EPHA10: variants seen among roughly 807,000 people sequenced by gnomAD.
The protein encoded by EPHA10 is EPH receptor A10.
EPHA10 carries 120 observed loss-of-function variants against 109.7 expected under a neutral mutation model. The ratio of observed to expected loss-of-function variants is 1.09; its 90% CI spans 0.94 to 1.27. The LOEUF (loss-of-function observed/expected upper bound fraction) is 1.27. EPHA10 is among the 50% of genes most tolerant of loss of function. EPHA10 has a pLI of 0.00. For missense variants in EPHA10, 1,396 were observed against 1,411.1 expected (o/e 0.99, Z 0.17); for synonymous variants, 640 against 618.9 (o/e 1.03, Z -0.51).
intron 5 of EPHA10, among the ~76,000 whole-genome samples, chr1:37,736,146 C>T (rs559611754): frequency 2.6e-4 from 40 of 152,242 alleles, no homozygotes; most frequent in Non-Finnish European, 4.6e-4. Flanking sequence ...TGGTGGCTCA[C>T]GCCTATAATC....
At position 37,764,643 on chromosome 1, in the gene EPHA10, G is replaced by A. The variant is rs1646459824; in HGVS notation, c.106+318C>T. On this transcript the variant is annotated intron_variant, in intron 1 of 16. Transcript: ENST00000373048. The surrounding 1 kb of genome is among the most constrained non-coding windows in gnomAD (Gnocchi z 5.8). ...CCCTGTCTCCACTCTTCATCTCCCC[G>A]CCCCCGCACCTCCCACCTCCAATCA... is the stretch of plus-strand genomic sequence containing the variant. Among the ~76,000 whole-genome samples the A allele has an allele frequency of 6.6e-6, 1 of 151,378 alleles. No individual in the cohort carries two copies. The highest frequency in any genetic ancestry group is 2.4e-5 in the African/African-American group (1 of 41,144).
chr1:37,750,235 G>T (rs1242122275), intron 5 of EPHA10, among the ~76,000 whole-genome samples: 4 of 152,138 alleles, frequency 2.6e-5, no homozygotes, highest in Non-Finnish European at 4.4e-5. Context: ...GATGATTGGG[G>T]ATTCACACTC....
At chr1:37,751,656 G>A (rs1482784988) in intron 5 of EPHA10, among the ~76,000 whole-genome samples, 1 of 151,510 alleles carries the variant, frequency 6.6e-6, no homozygotes, top group African/African-American at 2.4e-5. Flanking sequence ...AGCAGATCAT[G>A]AGGTTGAGAG....
Position 37,719,685 on chromosome 1 carries a change from CACACAG to C in EPHA10, c.2563-84_2563-79del, listed in dbSNP as rs3086618. The C allele has an allele frequency of 1.9e-3, 2,945 of 1,517,834 alleles. 54 individuals carry two copies. In the African/African-American group the frequency reaches 0.035, roughly 18 times the overall value. 94.0% of individuals were successfully genotyped at this position (1,517,834 alleles called of 1,614,324 possible). A position where few individuals can be genotyped will look rare whatever the true frequency, so the allele number is the denominator to read the frequency against. On this transcript the variant is annotated intron_variant, in intron 14 of 16. Transcript: ENST00000373048. Reference sequence around the variant, plus strand: ...TGGTGTGTGCACACACACATGCACACACACAGACACAGACACACACACACACATGCG... The same window carrying C: ...TGGTGTGTGCACACACACATGCACACACACAGACACACACACACACATGCG...
chr1:37,743,379 G>A (rs1364562302), intron 5 of EPHA10, among the ~76,000 whole-genome samples: 1 of 152,116 alleles, frequency 6.6e-6, no homozygotes, highest in Non-Finnish European at 1.5e-5. Flanking sequence ...AAAGAAACGA[G>A]ATGAGATAAA....
intron 2 of EPHA10, 115 bp from the exon 3 acceptor site, chr1:37,762,198 T>A: frequency 2.0e-6 from 2 of 984,044 alleles, no homozygotes; most frequent in Non-Finnish European, 3.0e-6. Flanking sequence ...CCGGAAATTG[T>A]AAGATGCAGC....
intron 2 of EPHA10, 89 bp from the exon 3 acceptor site, chr1:37,762,172 A>C: frequency 5.0e-6 from 6 of 1,201,800 alleles, no homozygotes; most frequent in Non-Finnish European, 5.8e-6. Context: ...TTTCTCTCTC[A>C]TGCACCATGC....
At chr1:37,734,391 G>A (rs943667317) in intron 6 of EPHA10, among the ~76,000 whole-genome samples, 3 of 151,988 alleles carry the variant, frequency 2.0e-5, no homozygotes, top group African/African-American at 7.3e-5. Context: ...AAAATGAGCT[G>A]TGTGTAGTTG....
chr1:37,726,491 T>C (rs533678154), intron 8 of EPHA10, among the ~76,000 whole-genome samples: 6 of 152,266 alleles, frequency 3.9e-5, no homozygotes, highest in African/African-American at 1.4e-4. Flanking sequence ...TGCAGCAGAG[T>C]GTGGCCCTGG....
chr1:37,741,493 T>C (rs1646153010), intron 5 of EPHA10, among the ~76,000 whole-genome samples: 1 of 152,076 alleles, frequency 6.6e-6, no homozygotes, highest in South Asian at 2.1e-4. Flanking sequence ...TCCATGTCTT[T>C]CCCAAATTCC....
At chr1:37,744,506 A>G (rs896310428) in intron 5 of EPHA10, among the ~76,000 whole-genome samples, 1 of 151,722 alleles carries the variant, frequency 6.6e-6, no homozygotes, top group African/African-American at 2.4e-5. Context: ...TCTAAAAAAA[A>G]AAAAATAGCT....
chr1:37,740,093 AAAAAT>A (rs1391347069), intron 5 of EPHA10, among the ~76,000 whole-genome samples: 1 of 152,122 alleles, frequency 6.6e-6, no homozygotes, highest in Non-Finnish European at 1.5e-5. Context: ...ATAAATAAAT[AAAAAT>A]AAAGGAAAAA....
At chr1:37,741,690 G>A (rs1479790912) in intron 5 of EPHA10, among the ~76,000 whole-genome samples, 1 of 151,842 alleles carries the variant, frequency 6.6e-6, no homozygotes, top group Non-Finnish European at 1.5e-5. Context: ...CCCACAGAGT[G>A]GCATTGCCTC....
rs1445567799 is a variant in EPHA10, at chr1:37,719,572, T to G, written c.2598A>C (p.Pro866=). The G allele has an allele frequency of 2.5e-5, 40 of 1,613,062 alleles. No homozygotes were observed. Among genetic ancestry groups the G allele is most frequent in the Non-Finnish European group, 3.1e-5 (37 of 1,179,900 alleles). ...GAAGGTTAGGACAGTTCCTGGGGGG[T>G]GGCAGCCGGAAGCCATCCTCCACAG... ...IKAVEDGFRL[P]PPRNCPNLLH... is the part of the protein sequence containing the mutation. Residue 866 remains proline, a synonymous_variant, in exon 15 of 17, where the codon CCA becomes CCC. Coordinates refer to ENST00000373048, the MANE Select transcript of EPHA10 (RefSeq NM_001099439.2).
At position 37,717,465 on chromosome 1, in the gene EPHA10, ACACTGGGGGTTAGAC is replaced by A. The variant is rs1645711139; in HGVS notation, c.*892_*906del. The A allele has an allele frequency of 1.3e-5, 3 of 231,706 alleles. No individual in the cohort carries two copies. Among genetic ancestry groups the A allele is most frequent in the African/African-American group, 2.2e-5 (1 of 45,214 alleles). The allele number at this position is 231,706 out of a possible 1,614,324, so 14.4% of individuals were successfully genotyped here. ...CTTGGCCTCAGTTTCCCCCATCTGT[ACACTGGGGGTTAGAC>A]CAGCCTGTTTGAGAGAGAGGACCCA... is the stretch of plus-strand genomic sequence containing the variant. On this transcript the variant is annotated 3_prime_UTR_variant, in exon 17 of 17. Transcript: ENST00000373048.
At chr1:37,732,328 T>A (rs1302353060) in intron 6 of EPHA10, among the ~76,000 whole-genome samples, 2 of 152,076 alleles carry the variant, frequency 1.3e-5, no homozygotes, top group African/African-American at 4.8e-5. Flanking sequence ...TTGCTCGACA[T>A]CATGCTGCCC....
At chr1:37,722,999 G>T in intron 10 of EPHA10, 42 bp downstream of exon 10, 1 of 1,613,678 alleles carries the variant, frequency 6.2e-7, no homozygotes, top group Non-Finnish European at 8.5e-7. Flanking sequence ...GAGTGGGTGA[G>T]GCTTCCAGAT....
intron 5 of EPHA10, among the ~76,000 whole-genome samples, chr1:37,741,043 A>T (rs976172284): frequency 1.3e-5 from 2 of 152,306 alleles, no homozygotes; most frequent in South Asian, 4.1e-4. Context: ...GGAAGAGAAC[A>T]TTTAGGAAGG....
At position 37,720,815 on chromosome 1, in the gene EPHA10, T is replaced by C. The variant is rs200100438; in HGVS notation, c.2176A>G (p.Met726Val). The change falls in exon 12 of 17, where the codon ATG (methionine) becomes GTG (valine). Residue 726 changes from methionine (M) to valine (V), a missense_variant. Met to Val is a conservative substitution (Grantham distance 21). Coordinates refer to ENST00000373048, the MANE Select transcript of EPHA10 (RefSeq NM_001099439.2). Reference protein sequence around the residue: ...GSTLMIVTEYMSHGALDGFLR... With the variant: ...GSTLMIVTEYVSHGALDGFLR... ...AAGCCGTCCAGGGCCCCATGGCTCA[T>C]GTACTCGGTGACAATCATCAAGGTG... 8.4e-5 allele frequency: 135 copies of C among 1,614,080 alleles called. No homozygotes were observed. In the African/African-American group the frequency reaches 1.7e-3, roughly 20 times the overall value.
Sources: allele counts gnomAD v4.1 joint callset (sites outside exome capture counted in the v4.1 genomes callset), GRCh38; gene constraint gnomAD v4.1.1; non-coding constraint Gnocchi (gnomAD v3.1); transcripts MANE v1.5; gene names NCBI Gene and HGNC (gene_info 2026-07-23, HGNC 2026-07-21).